GAS7: variants seen among roughly 807,000 people sequenced by gnomAD.
The protein encoded by GAS7 is growth arrest-specific protein 7.
A neutral mutation model predicts 71.1 loss-of-function variants in GAS7; 28 were observed. The observed-to-expected ratio is 0.39, with a 90% confidence interval of 0.29 to 0.54. The LOEUF (loss-of-function observed/expected upper bound fraction) is 0.54, where lower values mean the gene tolerates loss of function less well. GAS7 is among the 20% of genes least tolerant of loss of function. The probability of loss-of-function intolerance (pLI) is 0.62; values close to 1 mark genes in which losing one functional copy is unlikely to be tolerated. For missense variants in GAS7, 436 were observed against 627.8 expected, an observed-to-expected ratio of 0.69 and a Z score of 3.27; for synonymous variants, 258 against 245.8, an observed-to-expected ratio of 1.05 and a Z score of -0.46.
chr17:10,165,460 T>C (rs1002370250), intron 1 of GAS7, among the ~76,000 whole-genome samples: 1 of 152,194 alleles, frequency 6.6e-6, no homozygotes, highest in African/African-American at 2.4e-5. Context: ...TGGCACCAGC[T>C]TGGTGCCCTC....
rs28541936 is a variant in GAS7 at position 10,077,231 on chromosome 17, C to T, written c.184-57334G>A. On this transcript the variant is annotated intron_variant, in intron 1 of 13. Coordinates refer to ENST00000432992, the MANE Select transcript of GAS7 (RefSeq NM_201433.2). ...TCTGGTTCCCTTACACTACAGTAAA[C>T]GACAATAATCAGAAAATGTAATAAA... Among the ~76,000 whole-genome samples, 392 of 152,170 alleles carry T rather than the reference C, an allele frequency of 2.6e-3. 2 individuals are homozygous for T. Among genetic ancestry groups the T allele is most frequent in the African/African-American group, 8.7e-3 (362 of 41,500 alleles).
At chr17:9,948,813 A>G (rs1432418730) in intron 5 of GAS7, among the ~76,000 whole-genome samples, 2 of 152,082 alleles carry the variant, frequency 1.3e-5, no homozygotes, top group African/African-American at 2.4e-5. Context: ...GCTTTTCCCC[A>G]TTGTGTGGAG....
intron 1 of GAS7, among the ~76,000 whole-genome samples, chr17:10,168,778 C>G (rs948959744): frequency 6.6e-6 from 1 of 151,982 alleles, no homozygotes; most frequent in African/African-American, 2.4e-5. Flanking sequence ...TGAGACCAGC[C>G]TGGCCAACAT....
chr17:10,105,901 C>T (rs2073751926), intron 1 of GAS7, among the ~76,000 whole-genome samples: 1 of 152,204 alleles, frequency 6.6e-6, no homozygotes, highest in Non-Finnish European at 1.5e-5. Context: ...TGACTCTGCT[C>T]AGTAAGTGTT....
At chr17:10,148,682 T>A (rs926999828) in intron 1 of GAS7, among the ~76,000 whole-genome samples, 1 of 148,798 alleles carries the variant, frequency 6.7e-6, no homozygotes, top group Admixed American at 6.7e-5. Context: ...GAGGCTGAGG[T>A]GGGCGGATCA....
chr17:10,118,259 G>A (rs927247855), intron 1 of GAS7, among the ~76,000 whole-genome samples: 2 of 152,158 alleles, frequency 1.3e-5, no homozygotes, highest in African/African-American at 2.4e-5. Context: ...TTCTCACAGC[G>A]CATAAGGTGG....
At chr17:9,995,055 A>G (rs1050426620) in intron 2 of GAS7, among the ~76,000 whole-genome samples, 1 of 152,184 alleles carries the variant, frequency 6.6e-6, no homozygotes, top group Non-Finnish European at 1.5e-5. Context: ...ATTCATTCAG[A>G]CTTTCTGAGC....
rs1236304169 is a variant in GAS7, at chr17:10,034,890, C to T, written c.184-14993G>A. On this transcript the variant is annotated intron_variant, in intron 1 of 13. Coordinates refer to ENST00000432992, the MANE Select transcript of GAS7 (RefSeq NM_201433.2). This position sits in a 1 kb window ranked among gnomAD's most constrained non-coding sequence, Gnocchi z 4.4. ...AGTGGTCTTAGCTCTATTTGCCTAG[C>T]AACTGGATTTCTGCCCTGGAATCCT... Among the ~76,000 whole-genome samples the T allele has an allele frequency of 6.6e-6, 1 of 152,166 alleles. No homozygotes were observed. Among genetic ancestry groups the T allele is most frequent in the African/African-American group, 2.4e-5 (1 of 41,442 alleles).
intron 8 of GAS7, among the ~76,000 whole-genome samples, chr17:9,938,578 T>A (rs2068485074): frequency 6.7e-6 from 1 of 149,302 alleles, no homozygotes; most frequent in Non-Finnish European, 1.5e-5. Context: ...AAGGCGGCCA[T>A]CTGCAACCCA....
chr17:10,014,587 C>G (rs2071915318), intron 2 of GAS7, among the ~76,000 whole-genome samples: 1 of 152,178 alleles, frequency 6.6e-6, no homozygotes, highest in Non-Finnish European at 1.5e-5. Flanking sequence ...ATGCTGTAAC[C>G]TTGGCTTGGA....
chr17:9,969,845 C>A lies in GAS7; in HGVS notation c.386-83G>T. Reference sequence around the variant, plus strand: ...CTTTCGTCCACTGCAGCCCCTTTTCCCACCTCCTTCCTTGGCTCTGAGAGG... The same window carrying A: ...CTTTCGTCCACTGCAGCCCCTTTTCACACCTCCTTCCTTGGCTCTGAGAGG... On this transcript the variant is annotated intron_variant, in intron 3 of 13. Transcript: ENST00000432992. This position sits in a 1 kb window ranked among gnomAD's most constrained non-coding sequence, Gnocchi z 5.5. 1.2e-6 allele frequency: 1 copy of A among 852,230 alleles called. No individual in the cohort carries two copies. Among genetic ancestry groups the A allele is most frequent in the Non-Finnish European group, 2.0e-6 (1 of 495,412 alleles). The allele number at this position is 852,230 out of a possible 1,614,324, so 52.8% of individuals were successfully genotyped here. A position where few individuals can be genotyped will look rare whatever the true frequency, so the allele number is the denominator to read the frequency against.
intron 1 of GAS7, among the ~76,000 whole-genome samples, chr17:10,193,638 T>C (rs2074518419): frequency 6.6e-6 from 1 of 152,132 alleles, no homozygotes; most frequent in African/African-American, 2.4e-5. Flanking sequence ...ACATAACTCC[T>C]GAAGAGAAAG....
At chr17:10,097,168 C>G (rs569956764) in intron 1 of GAS7, among the ~76,000 whole-genome samples, 1 of 152,348 alleles carries the variant, frequency 6.6e-6, no homozygotes, top group East Asian at 1.9e-4. Context: ...TCACCTTCCT[C>G]TCCCTTCTCT....
Position 10,034,112 on chromosome 17 carries a change from A to T in GAS7, c.184-14215T>A. On this transcript the variant is annotated intron_variant, in intron 1 of 13. Transcript: ENST00000432992. This position sits in a 1 kb window ranked among gnomAD's most constrained non-coding sequence, Gnocchi z 4.4. The stretch of plus-strand genomic sequence containing the variant: ...TTGCTATGGAGATGTGAGACCTACC[A>T]CTGCTCTGTGCCACCGTGCGAAGAA... The T allele has an allele frequency of 1.0e-6, 1 of 984,992 alleles. No homozygotes were observed. The highest frequency in any genetic ancestry group is 1.2e-6 in the Non-Finnish European group (1 of 829,622). The allele number at this position is 984,992 out of a possible 1,614,324, so 61.0% of individuals were successfully genotyped here.
Position 9,916,847 on chromosome 17 carries a change from A to G in GAS7, c.*381T>C, listed in dbSNP as rs1266130204. The G allele has an allele frequency of 2.3e-6, 1 of 437,374 alleles. No individual in the cohort carries two copies. Among genetic ancestry groups the G allele is most frequent in the African/African-American group, 2.0e-5 (1 of 50,794 alleles). The allele number at this position is 437,374 out of a possible 1,614,324, so 27.1% of individuals were successfully genotyped here. Reference sequence around the variant, plus strand: ...AGCCCTCCCTACCCTGATCCTCCAAAGCCCTGGAGACAAGGGAGCCAGCTG... The same window carrying G: ...AGCCCTCCCTACCCTGATCCTCCAAGGCCCTGGAGACAAGGGAGCCAGCTG... On this transcript the variant is annotated 3_prime_UTR_variant, in exon 14 of 14. Coordinates refer to ENST00000432992, the MANE Select transcript of GAS7 (RefSeq NM_201433.2).
intron 1 of GAS7, among the ~76,000 whole-genome samples, chr17:10,064,249 G>C (rs1036237025): frequency 1.3e-5 from 2 of 152,118 alleles, no homozygotes; most frequent in South Asian, 4.1e-4. Flanking sequence ...TGGGAGTCTC[G>C]TGCCAGAGGC....
intron 1 of GAS7, among the ~76,000 whole-genome samples, chr17:10,185,103 T>C (rs910167482): frequency 2.6e-5 from 4 of 152,104 alleles, no homozygotes; most frequent in African/African-American, 9.7e-5. Context: ...TTTGTGTATT[T>C]TTAGTAGAGA....
At chr17:10,078,960 G>A (rs1332712834) in intron 1 of GAS7, among the ~76,000 whole-genome samples, 1 of 152,154 alleles carries the variant, frequency 6.6e-6, no homozygotes, top group African/African-American at 2.4e-5. Context: ...AAGCTGAGGT[G>A]GGAAGATCGC....
chr17:10,191,554 T>TC (rs1470579324), intron 1 of GAS7, among the ~76,000 whole-genome samples: 13 of 76,360 alleles, frequency 1.7e-4, no homozygotes, highest in Non-Finnish European at 3.1e-4. Context: ...AGACCCTGTG[T>TC]CAAAAAAAAA....
Sources: allele counts gnomAD v4.1 joint callset (sites outside exome capture counted in the v4.1 genomes callset), GRCh38; gene constraint gnomAD v4.1.1; non-coding constraint Gnocchi (gnomAD v3.1); transcripts MANE v1.5; gene names NCBI Gene and HGNC (gene_info 2026-07-23, HGNC 2026-07-21).